The following PDE11A variants were observed in gnomAD, a reference collection of about 807,000 sequenced individuals.
PDE11A encodes dual 3',5'-cyclic-AMP and -GMP phosphodiesterase 11A.
In PDE11A, 100 loss-of-function variants were observed where a neutral mutation model predicts 100.5. The observed-to-expected ratio is 1.00, with a 90% CI of 0.85 to 1.18. The LOEUF is 1.18. PDE11A is among the 50% of genes most tolerant of loss of function. The pLI is 0.00. For missense variants in PDE11A, 1,141 were observed against 1,152.6 expected (o/e 0.99, Z 0.15); for synonymous variants, 381 against 420.8 (o/e 0.91, Z 1.16).
intron 7 of PDE11A, 111 bp downstream of exon 7, chr2:177,820,109 G>C: frequency 3.0e-6 from 2 of 674,074 alleles, no homozygotes. Context: ...GACATAGTTT[G>C]ATGAGTCCTG....
intron 2 of PDE11A, among the ~76,000 whole-genome samples, chr2:177,994,140 G>A (rs1480448300): frequency 2.6e-5 from 4 of 151,790 alleles, no homozygotes; most frequent in South Asian, 2.1e-4. Flanking sequence ...TATGTTGGGC[G>A]GGCTGGTCTC....
chr2:177,937,652 A>G (rs1457634123), intron 2 of PDE11A, among the ~76,000 whole-genome samples: 1 of 152,180 alleles, frequency 6.6e-6, no homozygotes, highest in South Asian at 2.1e-4. Flanking sequence ...TTCTTGTGAA[A>G]TCTACTTTCT....
intron 2 of PDE11A, among the ~76,000 whole-genome samples, chr2:177,995,647 C>CCG (rs1030220898): frequency 1.3e-3 from 34 of 26,576 alleles, no homozygotes; most frequent in East Asian, 2.1e-3. Flanking sequence ...ACAAACACCA[C>CCG]CCACCCCGCA....
chr2:177,662,875 A>G (rs1459912468), intron 19 of PDE11A, among the ~76,000 whole-genome samples: 1 of 152,222 alleles, frequency 6.6e-6, no homozygotes, highest in African/African-American at 2.4e-5. Flanking sequence ...AGGGCTCAGC[A>G]GTTCCTAAAA....
intron 2 of PDE11A, among the ~76,000 whole-genome samples, chr2:177,945,035 C>T (rs919461832): frequency 1.3e-5 from 2 of 148,582 alleles, no homozygotes; most frequent in Non-Finnish European, 3.0e-5. Context: ...TTGGCCCGGC[C>T]GGTCTCCAGC....
At chr2:177,779,139 ACTATGCTGTAGC>A (rs1290871385) in intron 9 of PDE11A, among the ~76,000 whole-genome samples, 2 of 152,234 alleles carry the variant, frequency 1.3e-5, no homozygotes, top group Non-Finnish European at 2.9e-5. Flanking sequence ...TTATGTTTAT[ACTATGCTGTAGC>A]CTATTAAGTG....
intron 2 of PDE11A, among the ~76,000 whole-genome samples, chr2:177,996,650 C>T (rs529770611): frequency 6.6e-6 from 1 of 152,158 alleles, no homozygotes; most frequent in East Asian, 1.9e-4. Flanking sequence ...TAATGTCATT[C>T]CTACATTTTA....
intron 5 of PDE11A, among the ~76,000 whole-genome samples, chr2:177,859,520 T>C (rs1317309912): frequency 6.6e-6 from 1 of 151,914 alleles, no homozygotes; most frequent in Non-Finnish European, 1.5e-5. Flanking sequence ...TCAACAATAA[T>C]AATAGTGGAG....
At chr2:177,828,321 T>C (rs3910519) in intron 6 of PDE11A, among the ~76,000 whole-genome samples, 1 of 151,962 alleles carries the variant, frequency 6.6e-6, no homozygotes, top group African/African-American at 2.4e-5. Context: ...AAATTACACA[T>C]AGATAATATA....
At chr2:177,837,366 C>T (rs1158501777) in intron 6 of PDE11A, among the ~76,000 whole-genome samples, 2 of 152,082 alleles carry the variant, frequency 1.3e-5, no homozygotes, top group African/African-American at 4.8e-5. Context: ...TTGTTTACAT[C>T]CTGGGGAGCA....
chr2:178,085,333 C>T (rs1221337135), intron 2 of PDE11A, among the ~76,000 whole-genome samples: 1 of 151,974 alleles, frequency 6.6e-6, no homozygotes, highest in Non-Finnish European at 1.5e-5. Context: ...ACCTACAATA[C>T]CTTAAACAGG....
chr2:177,638,303 A>G (rs966415637), intron 19 of PDE11A, among the ~76,000 whole-genome samples: 4 of 152,128 alleles, frequency 2.6e-5, no homozygotes, highest in South Asian at 2.1e-4. Context: ...CCAGCCTACT[A>G]TATTTTTTTT....
At position 177,627,983 on chromosome 2, in the gene PDE11A, A is replaced by AC. The variant is rs1291099353; in HGVS notation, c.*1423dup. 1.3e-5 allele frequency: 2 copies of AC among 152,168 alleles called. No individual in the cohort carries two copies. The highest frequency in any genetic ancestry group is 2.9e-5 in the Non-Finnish European group (2 of 68,026). 9.4% of individuals were successfully genotyped at this position (152,168 alleles called of 1,614,324 possible). On this transcript the variant is annotated 3_prime_UTR_variant, in exon 20 of 20. Transcript: ENST00000286063. ...TTCAAACTCTTCAGAGTCCCTGTGG[A>AC]CCCCCATGTACGTAATCAAAGAGAT... is the stretch of plus-strand genomic sequence containing the variant.
At position 177,853,680 on chromosome 2, in the gene PDE11A, A is replaced by ATG. The variant is rs1212022176; in HGVS notation, c.1368-13299_1368-13298dup. On this transcript the variant is annotated intron_variant, in intron 5 of 19. Transcript: ENST00000286063. ...TATATATATATATATATATATATAT[A>ATG]TGTGTGTGTGTGTGTGTGTGTGTGT... Among the ~76,000 whole-genome samples, 192 of 36,480 alleles carry ATG rather than the reference A, an allele frequency of 5.3e-3. 4 individuals carry two copies. The highest frequency in any genetic ancestry group is 0.017 in the African/African-American group (183 of 10,838). The allele number at this position is 36,480 out of a possible 152,430, so 23.9% of individuals were successfully genotyped here.
intron 15 of PDE11A, among the ~76,000 whole-genome samples, chr2:177,696,717 T>G (rs1044844770): frequency 1.3e-5 from 2 of 152,160 alleles, no homozygotes; most frequent in Admixed American, 1.3e-4. Context: ...AAAAATTTTT[T>G]TAAGGGAGTG....
At chr2:177,815,496 G>A (rs183481644) in intron 9 of PDE11A, among the ~76,000 whole-genome samples, 2 of 152,092 alleles carry the variant, frequency 1.3e-5, no homozygotes, top group African/African-American at 2.4e-5. Context: ...ACATATAAAC[G>A]AAGCAGGGCT....
At chr2:177,731,041 T>C (rs905375703) in intron 10 of PDE11A, among the ~76,000 whole-genome samples, 5 of 152,238 alleles carry the variant, frequency 3.3e-5, no homozygotes, top group Non-Finnish European at 7.3e-5. Flanking sequence ...GCAATATTCG[T>C]CTTTTTTGTC....
At chr2:177,967,188 T>C (rs928064372) in intron 2 of PDE11A, among the ~76,000 whole-genome samples, 1 of 147,672 alleles carries the variant, frequency 6.8e-6, no homozygotes, top group African/African-American at 2.6e-5. Context: ...TTGGTGGTAA[T>C]GTCTCCTTTG....
At chr2:177,763,690 G>T (rs190201492) in intron 10 of PDE11A, among the ~76,000 whole-genome samples, 8 of 152,286 alleles carry the variant, frequency 5.3e-5, no homozygotes, top group Admixed American at 5.2e-4. Context: ...TCTCTGTGTC[G>T]CCTGAGTTTG....
Sources: gnomAD v4.1 joint callset for allele counts (sites outside exome capture counted in the v4.1 genomes callset) on GRCh38, gnomAD v4.1.1 for gene constraint, MANE v1.5 for transcripts, NCBI Gene and HGNC (gene_info 2026-07-23, HGNC 2026-07-21) for gene names.